Variants in CECR2 observed in about 807,000 individuals in gnomAD.
The protein encoded by CECR2 is chromatin remodeling regulator CECR2.
CECR2 carries 30 observed loss-of-function variants against 154.5 expected under a neutral mutation model. That is an observed-to-expected ratio of 0.19 (90% CI 0.15 to 0.26). The LOEUF (loss-of-function observed/expected upper bound fraction) is 0.26. CECR2 is among the 10% of genes least tolerant of loss of function. The probability of loss-of-function intolerance (pLI) is 1.00; values close to 1 mark genes in which losing one functional copy is unlikely to be tolerated. For missense variants in CECR2, 1,743 were observed against 1,829.3 expected (o/e 0.95, Z 0.86); for synonymous variants, 725 against 683.7 (o/e 1.06, Z -0.94).
chr22:17,452,668 T>C (rs1324225334), intron 1 of CECR2, among the ~76,000 whole-genome samples: 2 of 152,148 alleles, frequency 1.3e-5, no homozygotes, highest in Admixed American at 6.5e-5. Flanking sequence ...GTGAGTGATA[T>C]CTGTATTCGG....
intron 16 of CECR2, among the ~76,000 whole-genome samples, chr22:17,546,485 C>CAAA (rs35754406): frequency 0.092 from 6,195 of 67,426 alleles, 393 homozygotes; most frequent in African/African-American, 0.19. Context: ...GACTCTGTCT[C>CAAA]AAAAAAAAAA....
chr22:17,518,518 T>C (rs2056099667), intron 8 of CECR2, among the ~76,000 whole-genome samples: 1 of 152,222 alleles, frequency 6.6e-6, no homozygotes, highest in Non-Finnish European at 1.5e-5. Context: ...TCTGGCCATC[T>C]TTCATGCCTT....
intron 17 of CECR2, chr22:17,550,458 C>CAT (rs1601213213): frequency 6.5e-6 from 1 of 153,502 alleles, no homozygotes; most frequent in African/African-American, 2.4e-5. Flanking sequence ...AAGAGGAGAT[C>CAT]ATGTAGTATT....
intron 1 of CECR2, among the ~76,000 whole-genome samples, chr22:17,414,808 G>A (rs1308727236): frequency 6.6e-6 from 1 of 152,120 alleles, no homozygotes; most frequent in Admixed American, 6.6e-5. Flanking sequence ...TGAGGCGTTA[G>A]GGGCAGTGGG....
intron 8 of CECR2, among the ~76,000 whole-genome samples, chr22:17,520,660 T>TGA (rs1159900009): frequency 2.6e-5 from 4 of 151,514 alleles, no homozygotes; most frequent in Non-Finnish European, 5.9e-5. Flanking sequence ...CACCTATGAG[T>TGA]GAGAACATGC....
chr22:17,374,263 A>G (rs1037460835), intron 1 of CECR2, among the ~76,000 whole-genome samples: 2 of 152,070 alleles, frequency 1.3e-5, no homozygotes, highest in Admixed American at 1.3e-4. Context: ...CGTGGGTAAG[A>G]TCTCTTACCT....
At chr22:17,464,618 G>A (rs184770721) in intron 1 of CECR2, among the ~76,000 whole-genome samples, 56 of 152,178 alleles carry the variant, frequency 3.7e-4, no homozygotes, top group African/African-American at 1.3e-3. Context: ...TCCCTCTGCA[G>A]CCTCCTGAAT....
intron 1 of CECR2, among the ~76,000 whole-genome samples, chr22:17,446,676 A>G (rs2054669666): frequency 6.6e-6 from 1 of 152,306 alleles, no homozygotes; most frequent in South Asian, 2.1e-4. Flanking sequence ...AGATCCTGCC[A>G]CTGCACTCCA....
chr22:17,476,988 C>T, intron 1 of CECR2: 1 of 610,052 alleles, frequency 1.6e-6, no homozygotes, highest in Non-Finnish European at 3.0e-6. Flanking sequence ...AGAGACGTTA[C>T]CTCATTCTGT....
chr22:17,479,975 G>T (rs758001118), intron 2 of CECR2, among the ~76,000 whole-genome samples: 14 of 151,990 alleles, frequency 9.2e-5, no homozygotes, highest in Non-Finnish European at 1.8e-4. Flanking sequence ...TCCCTGGCTG[G>T]TCTTGAACTC....
chr22:17,552,787 T>TTTTTTTTTTTTTTTTTAAAA, intron 18 of CECR2, 48 bp from the exon 19 acceptor site: 1 of 1,391,200 alleles, frequency 7.2e-7, no homozygotes, highest in Non-Finnish European at 9.7e-7. Flanking sequence ...TTTTTTTTTT[T>TTTTTTTTTTTTTTTTTAAAA]AACAACCCAA....
chr22:17,506,896 C>A (rs1226019584), intron 7 of CECR2, among the ~76,000 whole-genome samples: 5 of 152,166 alleles, frequency 3.3e-5, no homozygotes, highest in African/African-American at 1.2e-4. Flanking sequence ...CACAAGTGAT[C>A]CACCCACCTT....
intron 9 of CECR2, among the ~76,000 whole-genome samples, chr22:17,527,036 G>A (rs1399247894): frequency 6.6e-6 from 1 of 152,134 alleles, no homozygotes; most frequent in Non-Finnish European, 1.5e-5. Context: ...TTTGCAAACT[G>A]CCCAGTTGAC....
chr22:17,504,800 G>A, intron 6 of CECR2, 47 bp from the exon 7 acceptor site: 3 of 1,519,688 alleles, frequency 2.0e-6, no homozygotes, highest in Non-Finnish European at 2.7e-6. Context: ...AATAAGGAAA[G>A]GTCCTCATGG....
At chr22:17,515,111 G>A (rs1005742684) in intron 8 of CECR2, among the ~76,000 whole-genome samples, 1 of 151,156 alleles carries the variant, frequency 6.6e-6, no homozygotes, top group Non-Finnish European at 1.5e-5. Flanking sequence ...AGGTAAAATT[G>A]TAATTGTTGA....
At chr22:17,531,353 C>G (rs1302845406) in intron 9 of CECR2, among the ~76,000 whole-genome samples, 1 of 152,178 alleles carries the variant, frequency 6.6e-6, no homozygotes, top group Non-Finnish European at 1.5e-5. Flanking sequence ...ACCATCCATC[C>G]TAGGATGAGT....
intron 1 of CECR2, among the ~76,000 whole-genome samples, chr22:17,415,780 A>G (rs546784438): frequency 2.6e-5 from 4 of 152,330 alleles, no homozygotes; most frequent in East Asian, 1.9e-4. Context: ...GGTTTCAGCA[A>G]TTTTGGTTTA....
chr22:17,519,987 C>T (rs987353561), intron 8 of CECR2, among the ~76,000 whole-genome samples: 2 of 152,074 alleles, frequency 1.3e-5, no homozygotes, highest in African/African-American at 4.8e-5. Flanking sequence ...GACAGAGTTT[C>T]ACCATGTTTA....
In CECR2 at chr22:17,382,172, G is replaced by C. The variant is rs552155537; in HGVS notation, c.126+12263G>C. On this transcript the variant is annotated intron_variant, in intron 1 of 18. Coordinates refer to ENST00000262608, the MANE Select transcript of CECR2 (RefSeq NM_001290047.2). ...CCCAAAGTGCTGGGATTACAGGCGT[G>C]AGCCACTGTGCCCGGCCAGAGAGCC... 5.9e-5 allele frequency among the ~76,000 whole-genome samples: 9 copies of C among 151,876 alleles called. No homozygotes were observed. In the South Asian group the frequency reaches 1.7e-3, roughly 28 times the overall value.
Sources: gnomAD v4.1 joint callset for allele counts (sites outside exome capture counted in the v4.1 genomes callset) on GRCh38, gnomAD v4.1.1 for gene constraint, MANE v1.5 for transcripts, NCBI Gene and HGNC (gene_info 2026-07-23, HGNC 2026-07-21) for gene names.